Variants in PRKAG1 observed in about 807,000 individuals in gnomAD.
The protein encoded by PRKAG1 is protein kinase AMP-activated non-catalytic subunit gamma 1, also known as 5'-AMP-activated protein kinase subunit gamma-1.
Under a neutral mutation model 48.2 loss-of-function variants are expected in PRKAG1, and 27 were observed. That is an observed-to-expected ratio of 0.56 (90% CI 0.41 to 0.77). The LOEUF (loss-of-function observed/expected upper bound fraction) is 0.77, where lower values mean the gene tolerates loss of function less well. Ranked by LOEUF, PRKAG1 falls within the 30% of genes least tolerant of loss-of-function variation. The pLI, the probability that PRKAG1 is intolerant of heterozygous loss-of-function variation, is 0.00. For missense variants in PRKAG1, 287 were observed against 398.3 expected, an observed-to-expected ratio of 0.72 and a Z score of 2.38; for synonymous variants, 130 against 147.7, an observed-to-expected ratio of 0.88 and a Z score of 0.87.
chr12:49,008,009 G>A (rs1049192473), intron 2 of PRKAG1, among the ~76,000 whole-genome samples: 4 of 151,920 alleles, frequency 2.6e-5, no homozygotes, highest in South Asian at 4.2e-4. Context: ...ACAGGTGCCC[G>A]CCACCATGCC....
intron 8 of PRKAG1, chr12:49,004,289 C>T: frequency 1.7e-6 from 1 of 595,970 alleles, no homozygotes; most frequent in African/African-American, 1.9e-5. Context: ...AAGAACTTGT[C>T]TCAAAATAAA....
rs890364004 is a variant in PRKAG1 at position 49,003,180 on chromosome 12, A to G, written c.852T>C (p.Thr284=). The G allele has an allele frequency of 9.9e-6, 16 of 1,614,036 alleles. No individual in the cohort carries two copies. The highest frequency in any genetic ancestry group is 1.2e-5 in the Non-Finnish European group (14 of 1,180,030). Reference sequence around the variant, plus strand: ...CTAGCCTGTTGATGATGGTCTCCAGAGTCTCATGCAGGTAGCACTTGAGAA... The same window carrying G: ...CTAGCCTGTTGATGATGGTCTCCAGGGTCTCATGCAGGTAGCACTTGAGAA... ...EGVLKCYLHE[T]LETIINRLVE... Residue 284 remains threonine (T), a synonymous_variant, in exon 11 of 12, where the codon ACT becomes ACC. Transcript: ENST00000548065.
rs1459024992 is a variant in PRKAG1, at chr12:49,005,067, T to G, written c.356-49A>C. 2 of 1,613,232 alleles carry G rather than the reference T, an allele frequency of 1.2e-6. No homozygotes were observed. On this transcript the variant is annotated intron_variant, in intron 6 of 11. Transcript: ENST00000548065. The surrounding 1 kb of genome is among the most constrained non-coding windows in gnomAD (Gnocchi z 4.1). Reference sequence around the variant, plus strand: ...CAAAATACCACCATGGAAAAGTGTTTCCCAGAAACCCGCCATCCCTTTATC... The same window carrying G: ...CAAAATACCACCATGGAAAAGTGTTGCCCAGAAACCCGCCATCCCTTTATC...
chr12:49,015,874 C>A (rs997330313), intron 1 of PRKAG1, among the ~76,000 whole-genome samples: 4 of 151,962 alleles, frequency 2.6e-5, no homozygotes, highest in Admixed American at 6.6e-5. Flanking sequence ...CCGAGCCTGG[C>A]CGTGACTTTT....
rs777995514 is a variant in PRKAG1, at chr12:49,005,275, T to A, written c.309+31A>T. ...AATGAGGGATTTAGGGCAGGGAAAG[T>A]GATTTTGGTCATTGGGTTAAGGTTC... On this transcript the variant is annotated intron_variant, in intron 5 of 11. Coordinates refer to ENST00000548065, the MANE Select transcript of PRKAG1 (RefSeq NM_002733.5). This position sits in a 1 kb window ranked among gnomAD's most constrained non-coding sequence, Gnocchi z 4.1. 4 of 1,613,442 alleles carry A rather than the reference T, an allele frequency of 2.5e-6. No individual in the cohort carries two copies. Among genetic ancestry groups the A allele is most frequent in the South Asian group, 1.1e-5 (1 of 90,990 alleles).
At chr12:49,016,931 C>T (rs1941998188) in intron 1 of PRKAG1, 15 of 338,900 alleles carry the variant, frequency 4.4e-5, no homozygotes, top group South Asian at 3.2e-4. Flanking sequence ...CCACTGTGAC[C>T]AAAATCCAAA....
Position 49,013,059 on chromosome 12 carries a change from T to TA in PRKAG1, c.58+2dup. On this transcript the variant is annotated splice_region_variant and intron_variant, in intron 2 of 11. Coordinates refer to ENST00000548065, the MANE Select transcript of PRKAG1 (RefSeq NM_002733.5). ...CCCAGTTTCCTTTCTTCAGTAAACT[T>TA]ACCTTGAGGATGCTCATTTTCCACA... 6.2e-7 allele frequency: 1 copy of TA among 1,611,556 alleles called. No individual in the cohort carries two copies. The highest frequency in any genetic ancestry group is 8.5e-7 in the Non-Finnish European group (1 of 1,177,690).
chr12:49,009,274 G>A (rs1381780703), intron 2 of PRKAG1: 1 of 151,952 alleles, frequency 6.6e-6, no homozygotes, highest in Admixed American at 6.6e-5. Flanking sequence ...ACAAGTGTAT[G>A]CCACTATGCC....
chr12:49,005,119 C>T lies in PRKAG1; in HGVS notation c.355+1G>A, dbSNP rs368359187. The T allele has an allele frequency of 1.5e-5, 25 of 1,613,864 alleles. No homozygotes were observed. The highest frequency in any genetic ancestry group is 1.9e-5 in the Non-Finnish European group (23 of 1,179,992). On this transcript the variant is annotated splice_donor_variant, in intron 6 of 11. Transcript: ENST00000548065. LOFTEE classifies it high-confidence loss of function. This position sits in a 1 kb window ranked among gnomAD's most constrained non-coding sequence, Gnocchi z 4.1. The stretch of plus-strand genomic sequence containing the variant: ...TTTTATAACCCCAATTCTCTACATA[C>T]CTCTCCAAGTTTCTATCTTGTGTTC...
At chr12:49,018,288 G>A in intron 1 of PRKAG1, 1 of 226,444 alleles carries the variant, frequency 4.4e-6, no homozygotes, top group East Asian at 1.3e-4. Context: ...TCCTCCTGCC[G>A]GGGATTGCAG....
At chr12:49,004,415 G>C in intron 8 of PRKAG1, 92 bp downstream of exon 8, 1 of 1,517,302 alleles carries the variant, frequency 6.6e-7, no homozygotes, top group Middle Eastern at 1.9e-4. Flanking sequence ...ACTAGCCTGA[G>C]CAACACAGTG....
intron 2 of PRKAG1, chr12:49,009,303 T>C (rs909885474): frequency 3.9e-5 from 6 of 152,142 alleles, no homozygotes; most frequent in Admixed American, 2.0e-4. Context: ...TTTTATTTTT[T>C]TGTAGAGACA....
chr12:49,003,861 G>T lies in PRKAG1; in HGVS notation c.599C>A (p.Thr200Asn), dbSNP rs775844980. Residue 200 changes from threonine to asparagine, a missense_variant, in exon 9 of 12, where the codon ACC becomes AAC. By Grantham distance (65) the Thr-to-Asn change is moderately conservative. Coordinates refer to ENST00000548065, the MANE Select transcript of PRKAG1 (RefSeq NM_002733.5). ...SKSLEELQIG[T>N]YANIAMVRTT... Reference sequence around the variant, plus strand: ...GCGAACCATAGCAATATTGGCATAGGTGCCAATCTGTAGCTCTTCCAGAGA... The same window carrying T: ...GCGAACCATAGCAATATTGGCATAGTTGCCAATCTGTAGCTCTTCCAGAGA... 6.2e-7 allele frequency: 1 copy of T among 1,613,862 alleles called. No individual in the cohort carries two copies. Among genetic ancestry groups the T allele is most frequent in the East Asian group, 2.2e-5 (1 of 44,882 alleles).
chr12:49,016,832 TGG>T (rs2137687262), intron 1 of PRKAG1: 1 of 256,034 alleles, frequency 3.9e-6, no homozygotes, highest in African/African-American at 2.3e-5. Flanking sequence ...AAATCTTCCA[TGG>T]GTCCCCTATT....
chr12:49,003,256 T>C lies in PRKAG1; in HGVS notation c.776A>G (p.Asp259Gly). 1.2e-6 allele frequency: 2 copies of C among 1,614,118 alleles called. No individual in the cohort carries two copies. The highest frequency in any genetic ancestry group is 1.7e-5 in the Admixed American group (1 of 60,026). Reference protein sequence around the residue: ...LAAEKTYNNLDVSVTKALQHR... With the variant: ...LAAEKTYNNLGVSVTKALQHR... ...TTGCAAGGCTTTAGTCACAGATACATCTAGGTTGTTGTAGGTCTTTTCTGC... is the reference window on the plus strand; with the variant it reads ...TTGCAAGGCTTTAGTCACAGATACACCTAGGTTGTTGTAGGTCTTTTCTGC... The change falls in exon 11 of 12, where the codon GAT (aspartate) becomes GGT (glycine). Residue 259 changes from aspartate (D) to glycine (G), a missense_variant. By Grantham distance (94) the Asp-to-Gly change is moderately conservative. Coordinates refer to ENST00000548065, the MANE Select transcript of PRKAG1 (RefSeq NM_002733.5).
intron 1 of PRKAG1, 45 bp from the exon 2 acceptor site, chr12:49,013,155 A>G (rs373726632): frequency 6.4e-7 from 1 of 1,552,574 alleles, no homozygotes; most frequent in Non-Finnish European, 8.9e-7. Flanking sequence ...GGTTCCATCC[A>G]TTTTAGCCTA....
In PRKAG1 at chr12:49,005,851, C is replaced by T. The variant is rs1941515964; in HGVS notation, c.60G>A (p.Glu20=). The T allele has an allele frequency of 1.3e-6, 2 of 1,598,854 alleles. No homozygotes were observed. The highest frequency in any genetic ancestry group is 2.2e-5 in the South Asian group (2 of 88,954). The change falls in exon 3 of 12, where the codon GAG becomes GAA. Residue 20 remains glutamate, a splice_region_variant and synonymous_variant. Coordinates refer to ENST00000548065, the MANE Select transcript of PRKAG1 (RefSeq NM_002733.5). This position sits in a 1 kb window ranked among gnomAD's most constrained non-coding sequence, Gnocchi z 4.1. ...ACACGCTATTGTTGGATTCTGGGGTCTCTGCATAGGGTGGGATAGTTAGTA... is the reference window on the plus strand; with the variant it reads ...ACACGCTATTGTTGGATTCTGGGGTTTCTGCATAGGGTGGGATAGTTAGTA... The part of the protein sequence containing the change: ...SPAVENEHPQ[E]TPESNNSVYT...
rs199910078 is a variant in PRKAG1 at position 49,005,810 on chromosome 12, T to G, written c.101A>C (p.Lys34Thr). The G allele has an allele frequency of 6.2e-7, 1 of 1,613,760 alleles. No individual in the cohort carries two copies. The highest frequency in any genetic ancestry group is 2.2e-5 in the East Asian group (1 of 44,882). ...SNNSVYTSFMKSHRCYDLIPT... is the reference protein window; with the variant it reads ...SNNSVYTSFMTSHRCYDLIPT... ...AATCAGGTCATAGCAGCGATGAGAC[T>G]TCATGAAGGAAGTATACACGCTATT... The change falls in exon 3 of 12, where the codon AAG (lysine) becomes ACG (threonine). Residue 34 changes from lysine (K) to threonine (T), a missense_variant. Lys to Thr is a moderately conservative substitution (Grantham distance 78, BLOSUM62 -1). This residue lies in a region of PRKAG1 where 63 missense variants were observed against 54.0 expected (regional missense o/e 1.17). Transcript: ENST00000548065. This position sits in a 1 kb window ranked among gnomAD's most constrained non-coding sequence, Gnocchi z 4.1.
chr12:49,012,876 C>A, intron 2 of PRKAG1, 186 bp downstream of exon 2: 1 of 597,080 alleles, frequency 1.7e-6, no homozygotes, highest in East Asian at 2.9e-5. Flanking sequence ...ATTAATCATC[C>A]CCACTCTGCC....
Sources: allele counts gnomAD v4.1 joint callset (sites outside exome capture counted in the v4.1 genomes callset), GRCh38; gene constraint gnomAD v4.1.1; regional missense constraint gnomAD v4.1.1; non-coding constraint Gnocchi (gnomAD v3.1); transcripts MANE v1.5; gene names NCBI Gene and HGNC (gene_info 2026-07-23, HGNC 2026-07-21).